The following CCNE2 variants were observed in gnomAD, a reference collection of about 807,000 sequenced individuals.
CCNE2 encodes the protein cyclin E2, also known as G1/S-specific cyclin-E2.
Under a neutral mutation model 56.8 loss-of-function variants are expected in CCNE2, and 18 were observed. The ratio of observed to expected loss-of-function variants is 0.32; its 90% CI spans 0.22 to 0.47. The LOEUF is 0.47. Ranked by LOEUF, CCNE2 falls within the 20% of genes least tolerant of loss-of-function variation. The probability of loss-of-function intolerance (pLI) is 1.00; values close to 1 mark genes in which losing one functional copy is unlikely to be tolerated. For missense variants in CCNE2, 371 were observed against 467.1 expected, an observed-to-expected ratio of 0.79 and a Z score of 1.90; for synonymous variants, 139 against 149.2, an observed-to-expected ratio of 0.93 and a Z score of 0.50.
chr8:94,895,338 T>G (rs1817459007), upstream of CCNE2: 1 of 798,388 alleles, frequency 1.3e-6, no homozygotes, highest in Non-Finnish European at 1.5e-6. Context: ...CGCGCCCTGC[T>G]CTCAGTGCGC....
In CCNE2 at chr8:94,894,117, C is replaced by T. The variant is rs1292893316; in HGVS notation, c.17G>A (p.Ser6Asn). MSRRS[S>N]RLQAKQQPQP... ...GGGCTGCTGCTTAGCTTGTAAACGG[C>T]TACTGTAGTGAATTTTTAAAAAGGA... The change falls in exon 3 of 12, where the codon AGC becomes AAC. Residue 6 changes from serine (S) to asparagine (N), a missense_variant and splice_region_variant. Transcript: ENST00000308108. 3.1e-6 allele frequency: 5 copies of T among 1,613,516 alleles called. No homozygotes were observed. Among genetic ancestry groups the T allele is most frequent in the Non-Finnish European group, 4.2e-6 (5 of 1,179,692 alleles).
chr8:94,892,928 G>A lies in CCNE2; in HGVS notation c.207C>T (p.Cys69=). 1 of 1,546,278 alleles carries A rather than the reference G, an allele frequency of 6.5e-7. No individual in the cohort carries two copies. Among genetic ancestry groups the A allele is most frequent in the Non-Finnish European group, 8.6e-7 (1 of 1,156,412 alleles). The part of the protein sequence containing the change: ...PPVLSGGISP[C]IIIETPHKEI... ...CTTTGTGAGGTGTTTCAATGATAAT[G>A]CAAGGACTGATCCCCCCAGATAATA... The change falls in exon 5 of 12, where the codon TGC becomes TGT. Residue 69 remains cysteine (C), a synonymous_variant. Coordinates refer to ENST00000308108, the MANE Select transcript of CCNE2 (RefSeq NM_057749.3).
At position 94,894,122 on chromosome 8, in the gene CCNE2, G is replaced by A. The variant is rs1470139102; in HGVS notation, c.15-3C>T. ...GCTGCTTAGCTTGTAAACGGCTACT[G>A]TAGTGAATTTTTAAAAAGGAAGTGT... On this transcript the variant is annotated splice_polypyrimidine_tract_variant and splice_region_variant and intron_variant, in intron 2 of 11. Coordinates refer to ENST00000308108, the MANE Select transcript of CCNE2 (RefSeq NM_057749.3). The A allele has an allele frequency of 3.1e-6, 5 of 1,613,518 alleles. No individual in the cohort carries two copies. The highest frequency in any genetic ancestry group is 3.3e-5 in the Admixed American group (2 of 59,958).
chr8:94,894,254 G>C lies in CCNE2; in HGVS notation c.-26-7C>G, dbSNP rs780792966. ...TTTCAGGTGTATAAAACCTCTGAAG[G>C]GGGGAGAGGAAAAGCCGCAGTCAAG... On this transcript the variant is annotated splice_polypyrimidine_tract_variant and splice_region_variant and intron_variant, in intron 1 of 11. Coordinates refer to ENST00000308108, the MANE Select transcript of CCNE2 (RefSeq NM_057749.3). The C allele has an allele frequency of 4.1e-5, 66 of 1,612,802 alleles. No homozygotes were observed. The highest frequency in any genetic ancestry group is 5.0e-5 in the Admixed American group (3 of 59,986).
chr8:94,889,505 C>A (rs543732843), intron 6 of CCNE2, among the ~76,000 whole-genome samples: 1 of 152,294 alleles, frequency 6.6e-6, no homozygotes, highest in Admixed American at 6.5e-5. Flanking sequence ...AAACCCAATG[C>A]CTTCTTGTGC....
At position 94,881,126 on chromosome 8, in the gene CCNE2, A is replaced by C; in HGVS notation, c.*506T>G. ...TATAGCAGCTATAGATAAATTAGTC[A>C]CCTTATTACAAAACTAAACCTTTGT... On this transcript the variant is annotated 3_prime_UTR_variant, in exon 12 of 12. Transcript: ENST00000308108. The C allele has an allele frequency of 2.5e-6, 1 of 396,162 alleles. No homozygotes were observed. The highest frequency in any genetic ancestry group is 4.4e-6 in the Non-Finnish European group (1 of 224,732). 24.5% of individuals were successfully genotyped at this position (396,162 alleles called of 1,614,324 possible). A position where few individuals can be genotyped will look rare whatever the true frequency, so the allele number is the denominator to read the frequency against.
intron 5 of CCNE2, 32 bp from the exon 6 acceptor site, chr8:94,890,582 T>TAG: frequency 3.3e-6 from 2 of 599,490 alleles, no homozygotes; most frequent in Non-Finnish European, 4.2e-6. Context: ...ACCATATATA[T>TAG]ATATATATAT....
upstream of CCNE2, chr8:94,896,531 G>C (rs1027451488): frequency 1.3e-5 from 2 of 152,234 alleles, no homozygotes; most frequent in Non-Finnish European, 2.9e-5. Context: ...GCGAGGCGGG[G>C]AACAGCTCCG....
Position 94,882,246 on chromosome 8 carries a change from T to C in CCNE2, c.987A>G (p.Val329=), listed in dbSNP as rs1178084873. 3.7e-6 allele frequency: 6 copies of C among 1,610,302 alleles called. No individual in the cohort carries two copies. Among genetic ancestry groups the C allele is most frequent in the Non-Finnish European group, 5.1e-6 (6 of 1,178,350 alleles). The part of the protein sequence containing the change: ...DSISECVDWM[V]PFVNVVKSTS... The stretch of plus-strand genomic sequence containing the variant: ...TACTTTTTACTACATTGACAAAAGG[T>C]ACCATCCAATCTACACATTCTGAAA... Residue 329 remains valine (V), a synonymous_variant, in exon 11 of 12, where the codon GTA becomes GTG. Transcript: ENST00000308108.
At chr8:94,885,363 G>T in intron 8 of CCNE2, 100 bp downstream of exon 8, 2 of 1,043,136 alleles carry the variant, frequency 1.9e-6, no homozygotes, top group South Asian at 1.5e-5. Flanking sequence ...CCTCAGTTTT[G>T]ACTTTTTACA....
rs1018302761 is a variant in CCNE2, at chr8:94,880,958, T to C, written c.*674A>G. 4 of 398,674 alleles carry C rather than the reference T, an allele frequency of 1.0e-5. No homozygotes were observed. In the South Asian group the frequency reaches 5.1e-4, roughly 51 times the overall value. The allele number at this position is 398,674 out of a possible 1,614,324, so 24.7% of individuals were successfully genotyped here. ...ATCTTGTTTATAATTTCTTTGGTACTCCCACTGTTTAGAGCACAGGTTGAA... is the reference window on the plus strand; with the variant it reads ...ATCTTGTTTATAATTTCTTTGGTACCCCCACTGTTTAGAGCACAGGTTGAA... On this transcript the variant is annotated 3_prime_UTR_variant, in exon 12 of 12. Transcript: ENST00000308108.
chr8:94,885,727 CTTTTTTTTTTT>C (rs747420459), intron 7 of CCNE2, among the ~76,000 whole-genome samples, 169 bp from the exon 8 acceptor site: 7 of 114,176 alleles, frequency 6.1e-5, no homozygotes, highest in East Asian at 2.5e-4. Flanking sequence ...CATTTTCTTT[CTTTTTTTTTTT>C]TTTTTTTTTT....
chr8:94,891,055 A>G (rs1413978873), intron 5 of CCNE2, among the ~76,000 whole-genome samples: 1 of 152,210 alleles, frequency 6.6e-6, no homozygotes, highest in Admixed American at 6.5e-5. Context: ...TTTTGGAAAC[A>G]ATTTCCTTTG....
chr8:94,889,693 C>T (rs1817160601), intron 6 of CCNE2, among the ~76,000 whole-genome samples: 1 of 152,176 alleles, frequency 6.6e-6, no homozygotes, highest in South Asian at 2.1e-4. Flanking sequence ...CATCTCTTGT[C>T]TTAAAGACAG....
At chr8:94,890,587 ATATATTTT>A (rs1817196580) in intron 5 of CCNE2, 37 bp from the exon 6 acceptor site, 5 of 562,058 alleles carry the variant, frequency 8.9e-6, no homozygotes, top group Non-Finnish European at 1.1e-5. Flanking sequence ...ATATATATAT[ATATATTTT>A]TTTTTTTTTT....
intron 5 of CCNE2, among the ~76,000 whole-genome samples, chr8:94,892,574 C>T (rs1354303815): frequency 2.6e-5 from 4 of 152,180 alleles, no homozygotes; most frequent in Admixed American, 2.0e-4. Flanking sequence ...AAAACTAATT[C>T]AGTCCTGTTA....
chr8:94,890,574 C>A, intron 5 of CCNE2, 24 bp from the exon 6 acceptor site: 2 of 715,800 alleles, frequency 2.8e-6, no homozygotes, highest in Non-Finnish European at 3.9e-6. Context: ...GGAAAAAAAC[C>A]ATATATATAT....
At position 94,893,891 on chromosome 8, in the gene CCNE2, C is replaced by T. The variant is rs1294573527; in HGVS notation, c.165G>A (p.Arg55=). The T allele has an allele frequency of 6.2e-7, 1 of 1,613,756 alleles. No individual in the cohort carries two copies. Among genetic ancestry groups the T allele is most frequent in the South Asian group, 1.1e-5 (1 of 91,072 alleles). Residue 55 remains arginine (R), a splice_region_variant and synonymous_variant, in exon 4 of 12, where the codon AGG becomes AGA. Coordinates refer to ENST00000308108, the MANE Select transcript of CCNE2 (RefSeq NM_057749.3). The part of the protein sequence containing the change: ...EVTKKHQYEI[R]NCWPPVLSGG... ...CCCACCCAGCCCAGTTCTGCATTACCCTAATTTCATACTGATGTTTCTTGG... is the reference window on the plus strand; with the variant it reads ...CCCACCCAGCCCAGTTCTGCATTACTCTAATTTCATACTGATGTTTCTTGG...
At chr8:94,893,102 A>G in intron 4 of CCNE2, 133 bp from the exon 5 acceptor site, 1 of 637,096 alleles carries the variant, frequency 1.6e-6, no homozygotes. Context: ...AATATAGCTA[A>G]TTTGACATTC....
Sources: gnomAD v4.1 joint callset for allele counts (sites outside exome capture counted in the v4.1 genomes callset) on GRCh38, gnomAD v4.1.1 for gene constraint, MANE v1.5 for transcripts, NCBI Gene and HGNC (gene_info 2026-07-23, HGNC 2026-07-21) for gene names.